The following ACSS3 variants were observed in gnomAD, a reference collection of about 807,000 sequenced individuals.
ACSS3 encodes the protein acyl-CoA synthetase short chain family member 3, also known as acyl-CoA synthetase short-chain family member 3, mitochondrial.
ACSS3 carries 64 observed loss-of-function variants against 84.2 expected under a neutral mutation model. The ratio of observed to expected loss-of-function variants is 0.76; its 90% CI spans 0.62 to 0.94. The LOEUF is 0.94. ACSS3 is among the 40% of genes least tolerant of loss of function. ACSS3 has a pLI of 0.00. For missense variants in ACSS3, 815 were observed against 867.6 expected, an observed-to-expected ratio of 0.94 and a Z score of 0.76; for synonymous variants, 317 against 310.1, an observed-to-expected ratio of 1.02 and a Z score of -0.23.
intron 8 of ACSS3, among the ~76,000 whole-genome samples, chr12:81,193,000 A>G (rs972194823): frequency 1.3e-5 from 2 of 152,166 alleles, no homozygotes; most frequent in African/African-American, 4.8e-5. Flanking sequence ...AAAGGGAGAG[A>G]GAGAGAGATG....
chr12:81,248,476 C>T (rs2136008770), intron 13 of ACSS3, among the ~76,000 whole-genome samples: 1 of 152,046 alleles, frequency 6.6e-6, no homozygotes, highest in East Asian at 1.9e-4. Flanking sequence ...TATCTATCCT[C>T]ATTCATATAT....
intron 9 of ACSS3, among the ~76,000 whole-genome samples, chr12:81,208,857 A>G (rs920121330): frequency 6.6e-6 from 1 of 152,066 alleles, no homozygotes; most frequent in Non-Finnish European, 1.5e-5. Flanking sequence ...ACCTTTATAC[A>G]TGCTGCAATT....
Position 81,201,481 on chromosome 12 carries a change from G to A in ACSS3, c.1354+2037G>A, listed in dbSNP as rs556698767. ...GACACCTTTGTACATAATAGCCTGTGTGGGTTTATGTAGTTAGTTTATTCA... is the reference window on the plus strand; with the variant it reads ...GACACCTTTGTACATAATAGCCTGTATGGGTTTATGTAGTTAGTTTATTCA... On this transcript the variant is annotated intron_variant, in intron 9 of 15. Coordinates refer to ENST00000548058, the MANE Select transcript of ACSS3 (RefSeq NM_024560.4). Among the ~76,000 whole-genome samples the A allele has an allele frequency of 1.4e-4, 22 of 152,292 alleles. No individual in the cohort carries two copies. The East Asian group carries it at 4.2e-3, about 29-fold the overall frequency.
intron 9 of ACSS3, among the ~76,000 whole-genome samples, chr12:81,214,381 G>A (rs975672933): frequency 6.6e-6 from 1 of 152,168 alleles, no homozygotes; most frequent in African/African-American, 2.4e-5. Flanking sequence ...AAGTCAACAA[G>A]ACACTTGAAT....
chr12:81,199,567 A>T, intron 9 of ACSS3, 123 bp downstream of exon 9: 1 of 1,460,404 alleles, frequency 6.8e-7, no homozygotes, highest in Non-Finnish European at 9.3e-7. Context: ...CGAGTGGTTC[A>T]GGTTTCAGTA....
chr12:81,181,835 A>G (rs1162490129), intron 8 of ACSS3, among the ~76,000 whole-genome samples: 2 of 151,812 alleles, frequency 1.3e-5, no homozygotes, highest in African/African-American at 4.8e-5. Flanking sequence ...CTTGAAAATC[A>G]GTCTTTTGAA....
intron 1 of ACSS3, among the ~76,000 whole-genome samples, chr12:81,108,247 C>CTATTATTATTAT (rs71098120): frequency 2.4e-4 from 34 of 140,964 alleles, no homozygotes; most frequent in Middle Eastern, 3.6e-3. Context: ...CTTTCTGTGG[C>CTATTATTATTAT]TATTATTATT....
At chr12:81,229,620 C>A (rs764712479) in intron 11 of ACSS3, among the ~76,000 whole-genome samples, 2 of 151,834 alleles carry the variant, frequency 1.3e-5, no homozygotes, top group Non-Finnish European at 2.9e-5. Context: ...CAACCTATTG[C>A]CTTCATACAG....
At chr12:81,201,449 T>C (rs2135902351) in intron 9 of ACSS3, among the ~76,000 whole-genome samples, 1 of 152,344 alleles carries the variant, frequency 6.6e-6, no homozygotes, top group East Asian at 1.9e-4. Context: ...TTTTACTTTT[T>C]CTTATAGACA....
At chr12:81,239,215 A>G (rs1454902811) in intron 13 of ACSS3, among the ~76,000 whole-genome samples, 3 of 151,970 alleles carry the variant, frequency 2.0e-5, no homozygotes, top group African/African-American at 7.2e-5. Context: ...ACCTCAGAAC[A>G]GATGTTGTAT....
intron 1 of ACSS3, among the ~76,000 whole-genome samples, chr12:81,088,158 A>C (rs1271336748): frequency 1.3e-5 from 2 of 152,022 alleles, no homozygotes; most frequent in African/African-American, 4.8e-5. Flanking sequence ...GTTCTTTCTC[A>C]TCTACCATGG....
chr12:81,146,845 C>A (rs564564177), intron 5 of ACSS3, among the ~76,000 whole-genome samples: 2 of 151,894 alleles, frequency 1.3e-5, no homozygotes, highest in Admixed American at 6.6e-5. Flanking sequence ...AGTTTGATAT[C>A]ATAAAGGGAT....
chr12:81,139,188 G>T lies in ACSS3; in HGVS notation c.703G>T (p.Val235Leu). 1 of 1,613,760 alleles carries T rather than the reference G, an allele frequency of 6.2e-7. No homozygotes were observed. Among genetic ancestry groups the T allele is most frequent in the South Asian group, 1.1e-5 (1 of 91,084 alleles). Reference protein sequence around the residue: ...GIEPGRRVEYVPLVEEALKIG... With the variant: ...GIEPGRRVEYLPLVEEALKIG... ...TGAACCTGGAAGGAGGGTAGAGTACGTACCACTTGTAGAAGAAGCGCTAAA... is the reference window on the plus strand; with the variant it reads ...TGAACCTGGAAGGAGGGTAGAGTACTTACCACTTGTAGAAGAAGCGCTAAA... Residue 235 changes from valine (V) to leucine (L), a missense_variant, in exon 4 of 16, where the codon GTA (valine) becomes TTA (leucine). Coordinates refer to ENST00000548058, the MANE Select transcript of ACSS3 (RefSeq NM_024560.4).
intron 9 of ACSS3, among the ~76,000 whole-genome samples, chr12:81,215,422 C>T (rs1323686984): frequency 1.3e-5 from 2 of 152,086 alleles, no homozygotes; most frequent in Non-Finnish European, 2.9e-5. Context: ...GTTATTGATG[C>T]CAGCTGAGCC....
chr12:81,165,585 G>T (rs12815422), intron 7 of ACSS3, among the ~76,000 whole-genome samples: 69,795 of 151,826 alleles, frequency 0.46, 16,580 homozygotes, highest in Non-Finnish European at 0.52. Context: ...GGTGGAGTTC[G>T]CAGTGAACCA....
At chr12:81,236,216 G>T (rs1459442178) in intron 13 of ACSS3, among the ~76,000 whole-genome samples, 1 of 151,388 alleles carries the variant, frequency 6.6e-6, no homozygotes, top group Admixed American at 6.6e-5. Flanking sequence ...TCTATTAATA[G>T]GAATATGTGA....
rs149061987 is a variant in ACSS3 at position 81,253,382 on chromosome 12, T to C, written c.1795T>C (p.Leu599=). Residue 599 remains leucine, a synonymous_variant, in exon 14 of 16, where the codon TTA becomes CTA. Coordinates refer to ENST00000548058, the MANE Select transcript of ACSS3 (RefSeq NM_024560.4). ...KEDPLKGHVP[L]ALCVLRKDIN... is the part of the protein sequence containing the mutation. Reference sequence around the variant, plus strand: ...AGATCCCTTAAAAGGTCATGTCCCCTTAGCACTCTGTGTATTGAGAAAAGG... The same window carrying C: ...AGATCCCTTAAAAGGTCATGTCCCCCTAGCACTCTGTGTATTGAGAAAAGG... 3 of 1,613,868 alleles carry C rather than the reference T, an allele frequency of 1.9e-6. No homozygotes were observed. The highest frequency in any genetic ancestry group is 2.5e-6 in the Non-Finnish European group (3 of 1,179,894).
intron 2 of ACSS3, among the ~76,000 whole-genome samples, chr12:81,117,388 A>G (rs1884135587): frequency 6.6e-6 from 1 of 152,166 alleles, no homozygotes. Context: ...CTAGAGAGGG[A>G]CTTCGCCTGC....
rs765641114 is a variant in ACSS3 at position 81,199,393 on chromosome 12, T to G, written c.1303T>G (p.Trp435Gly). 13 of 1,613,664 alleles carry G rather than the reference T, an allele frequency of 8.1e-6. No homozygotes were observed. Among genetic ancestry groups the G allele is most frequent in the Non-Finnish European group, 1.1e-5 (13 of 1,179,792 alleles). Residue 435 changes from tryptophan (W) to glycine (G), a missense_variant, in exon 9 of 16, where the codon TGG becomes GGG. Trp to Gly is a radical substitution (Grantham distance 184). Coordinates refer to ENST00000548058, the MANE Select transcript of ACSS3 (RefSeq NM_024560.4). ...ACGATGTGATGTAGAGACCCTGGAA[T>G]GGTCCAAAAATGTCTTCAGAGTACC... ...GERCDVETLE[W>G]SKNVFRVPVL...
Sources: gnomAD v4.1 joint callset for allele counts (sites outside exome capture counted in the v4.1 genomes callset) on GRCh38, gnomAD v4.1.1 for gene constraint, MANE v1.5 for transcripts, NCBI Gene and HGNC (gene_info 2026-07-23, HGNC 2026-07-21) for gene names.